DPY19L2: variants seen among roughly 807,000 people sequenced by gnomAD.
DPY19L2 encodes the protein dpy-19 like 2.
In DPY19L2, 34 loss-of-function variants were observed where a neutral mutation model predicts 97.9. The observed-to-expected ratio is 0.35, with a 90% CI of 0.26 to 0.46. The LOEUF (loss-of-function observed/expected upper bound fraction) is 0.46, where lower values mean the gene tolerates loss of function less well. DPY19L2 is among the 20% of genes least tolerant of loss of function. The probability of loss-of-function intolerance (pLI) is 1.00; values close to 1 mark genes in which losing one functional copy is unlikely to be tolerated. For missense variants in DPY19L2, 623 were observed against 911.4 expected (o/e 0.68, Z 4.07); for synonymous variants, 230 against 307.9 (o/e 0.75, Z 2.65).
chr12:63,618,877 T>A (rs1888248931), intron 9 of DPY19L2, among the ~76,000 whole-genome samples: 1 of 152,024 alleles, frequency 6.6e-6, no homozygotes, highest in Non-Finnish European at 1.5e-5. Flanking sequence ...TAGAAATAGA[T>A]CCACAAAAGA....
At chr12:63,613,908 C>A (rs566228041) in intron 11 of DPY19L2, among the ~76,000 whole-genome samples, 1 of 152,044 alleles carries the variant, frequency 6.6e-6, no homozygotes, top group South Asian at 2.1e-4. Flanking sequence ...ATAAAAGAGA[C>A]AGCTGGGCGT....
chr12:63,637,117 CA>C (rs1565817069), intron 6 of DPY19L2, among the ~76,000 whole-genome samples: 1 of 152,110 alleles, frequency 6.6e-6, no homozygotes, highest in Non-Finnish European at 1.5e-5. Context: ...AACTAGAACT[CA>C]GGATTAAGAA....
chr12:63,623,964 A>G, intron 8 of DPY19L2, 76 bp downstream of exon 8: 1 of 1,196,642 alleles, frequency 8.4e-7, no homozygotes, highest in Non-Finnish European at 1.2e-6. Flanking sequence ...TCAGCTTCCC[A>G]AAGTGCTGAA....
intron 6 of DPY19L2, among the ~76,000 whole-genome samples, chr12:63,630,273 A>G (rs1275917242): frequency 6.6e-6 from 1 of 152,184 alleles, no homozygotes; most frequent in Non-Finnish European, 1.5e-5. Flanking sequence ...CAGACTGGCA[A>G]ATTGGATCAA....
chr12:63,595,807 C>A (rs528012118), intron 15 of DPY19L2, among the ~76,000 whole-genome samples, 159 bp downstream of exon 15: 13 of 152,124 alleles, frequency 8.5e-5, no homozygotes, highest in African/African-American at 2.9e-4. Context: ...TTTATCATGG[C>A]TTTTTATAAA....
At chr12:63,633,548 A>G (rs1283653975) in intron 6 of DPY19L2, among the ~76,000 whole-genome samples, 1 of 152,170 alleles carries the variant, frequency 6.6e-6, no homozygotes, top group Non-Finnish European at 1.5e-5. Context: ...GGCGATCATT[A>G]AAAAGTCAGG....
chr12:63,667,878 C>T (rs1896512027), intron 1 of DPY19L2, among the ~76,000 whole-genome samples, 179 bp downstream of exon 1: 2 of 152,134 alleles, frequency 1.3e-5, no homozygotes, highest in Admixed American at 1.3e-4. Flanking sequence ...AATATACTCC[C>T]TATCTCTCTC....
intron 19 of DPY19L2, among the ~76,000 whole-genome samples, chr12:63,574,485 G>T (rs1007587668): frequency 7.2e-5 from 11 of 151,780 alleles, no homozygotes; most frequent in African/African-American, 2.7e-4. Flanking sequence ...AAGGTAAATG[G>T]GCTGAACTCT....
At chr12:63,629,177 A>G (rs1260588616) in intron 6 of DPY19L2, among the ~76,000 whole-genome samples, 1 of 152,188 alleles carries the variant, frequency 6.6e-6, no homozygotes, top group Non-Finnish European at 1.5e-5. Flanking sequence ...CTCCAAAGGA[A>G]CGCAGCTCCT....
rs947139338 is a variant in DPY19L2 at position 63,587,553 on chromosome 12, T to A, written c.1581-3717A>T. Among the ~76,000 whole-genome samples the A allele has an allele frequency of 9.6e-5, 13 of 135,134 alleles. No homozygotes were observed. In the South Asian group the frequency reaches 1.2e-3, roughly 12 times the overall value. The allele number at this position is 135,134 out of a possible 152,430, so 88.7% of individuals were successfully genotyped here. On this transcript the variant is annotated intron_variant, in intron 16 of 21. Transcript: ENST00000324472. ...ACAGAAGAAACTAGTTAGACATTTT[T>A]AAAAATTATTATTATTATTATTATT...
chr12:63,640,369 GA>G (rs1292983159), intron 6 of DPY19L2, among the ~76,000 whole-genome samples: 1 of 152,036 alleles, frequency 6.6e-6, no homozygotes, highest in Non-Finnish European at 1.5e-5. Context: ...AAAAAGATAC[GA>G]GAGGATATTT....
chr12:63,608,192 G>A (rs1886372512), intron 12 of DPY19L2, among the ~76,000 whole-genome samples: 1 of 152,058 alleles, frequency 6.6e-6, no homozygotes, highest in Non-Finnish European at 1.5e-5. Flanking sequence ...GTCTAAAGTT[G>A]GAAGCAGAAG....
chr12:63,640,997 A>G (rs1370689401), intron 6 of DPY19L2, among the ~76,000 whole-genome samples: 1 of 152,014 alleles, frequency 6.6e-6, no homozygotes, highest in East Asian at 1.9e-4. Flanking sequence ...GGTTCACGCC[A>G]TTCTCCTGCC....
At chr12:63,639,431 A>G (rs1056175260) in intron 6 of DPY19L2, among the ~76,000 whole-genome samples, 14 of 152,170 alleles carry the variant, frequency 9.2e-5, no homozygotes, top group African/African-American at 3.1e-4. Context: ...AATGGGAGAA[A>G]ATTTTTCCAA....
intron 19 of DPY19L2, among the ~76,000 whole-genome samples, chr12:63,578,189 A>G (rs78593829): frequency 6.6e-6 from 1 of 152,116 alleles, no homozygotes; most frequent in Admixed American, 6.5e-5. Flanking sequence ...AGGTCATTAC[A>G]TTAATTGAAA....
At chr12:63,583,666 A>G in intron 17 of DPY19L2, 146 bp downstream of exon 17, 1 of 640,964 alleles carries the variant, frequency 1.6e-6, no homozygotes, top group Admixed American at 3.0e-5. Flanking sequence ...CAGATGAAAG[A>G]GTGAGAAGGA....
chr12:63,610,857 A>AAAAAAAAAAC (rs1886849517), intron 11 of DPY19L2, among the ~76,000 whole-genome samples: 1 of 98,040 alleles, frequency 1.0e-5, no homozygotes, highest in African/African-American at 3.4e-5. Context: ...AAAAAAAAAA[A>AAAAAAAAAAC]AAAAAAAAAA....
At chr12:63,655,078 T>A (rs1025885951) in intron 4 of DPY19L2, among the ~76,000 whole-genome samples, 1 of 152,072 alleles carries the variant, frequency 6.6e-6, no homozygotes, top group Non-Finnish European at 1.5e-5. Flanking sequence ...AAGCCATATA[T>A]ATGAAAAATA....
intron 4 of DPY19L2, among the ~76,000 whole-genome samples, chr12:63,653,976 CTGAGT>C (rs1354966915): frequency 5.3e-5 from 8 of 151,806 alleles, no homozygotes; most frequent in Non-Finnish European, 7.4e-5. Flanking sequence ...ACTGCATTCT[CTGAGT>C]TAAGAAAAAC....
Sources: gnomAD v4.1 joint callset for allele counts (sites outside exome capture counted in the v4.1 genomes callset) on GRCh38, gnomAD v4.1.1 for gene constraint, MANE v1.5 for transcripts, NCBI Gene and HGNC (gene_info 2026-07-23, HGNC 2026-07-21) for gene names.